Variants in ZNF221 observed in about 807,000 individuals in gnomAD.
ZNF221 encodes zinc finger protein 221.
Under a neutral mutation model 12.6 loss-of-function variants are expected in ZNF221, and 10 were observed. That is an observed-to-expected ratio of 0.79 (90% CI 0.49 to 1.34). The LOEUF (loss-of-function observed/expected upper bound fraction) is 1.34. Among genes scored for constraint, ZNF221 ranks in the 40% most tolerant of loss-of-function variants. The pLI is 0.00. For missense variants in ZNF221, 661 were observed against 721.4 expected, an observed-to-expected ratio of 0.92 and a Z score of 0.96; for synonymous variants, 232 against 244.0, an observed-to-expected ratio of 0.95 and a Z score of 0.46.
downstream of ZNF221, among the ~76,000 whole-genome samples, chr19:43,970,429 G>C (rs906909066): frequency 6.6e-6 from 1 of 152,216 alleles, no homozygotes; most frequent in African/African-American, 2.4e-5. Flanking sequence ...TGGCTGAACT[G>C]ACAGAAGTAG....
the ZNF221 span, among the ~76,000 whole-genome samples, chr19:43,981,083 A>G: frequency 6.6e-6 from 1 of 152,234 alleles, no homozygotes; most frequent in East Asian, 1.9e-4. Context: ...TTCTAAAAAA[A>G]AAAATTGAGG....
At position 43,962,785 on chromosome 19, in the gene ZNF221, A is replaced by G. The variant is rs374341238; in HGVS notation, c.59A>G (p.Glu20Gly). The G allele has an allele frequency of 2.5e-6, 4 of 1,613,822 alleles. No homozygotes were observed. The highest frequency in any genetic ancestry group is 3.4e-6 in the Non-Finnish European group (4 of 1,179,886). ...HSGLCKFPEV[E>G]GKMTTFKEAV... ...GGACTCTGCAAATTCCCTGAAGTAG[A>G]AGGAAAAATGACCACATTCAAAGTG... The change falls in exon 2 of 5, where the codon GAA (glutamate) becomes GGA (glycine). Residue 20 changes from glutamate (E) to glycine (G), a missense_variant. Physicochemically the swap from Glu to Gly is moderately conservative, Grantham distance 98. Transcript: ENST00000587682.
At chr19:43,975,412 G>A in the ZNF221 span, among the ~76,000 whole-genome samples, 1 of 152,146 alleles carries the variant, frequency 6.6e-6, no homozygotes, top group Non-Finnish European at 1.5e-5. Context: ...GCTAGAAGCC[G>A]TTATCCTCAG....
At chr19:43,977,637 C>T in the ZNF221 span, among the ~76,000 whole-genome samples, 2 of 152,170 alleles carry the variant, frequency 1.3e-5, no homozygotes, top group African/African-American at 2.4e-5. Context: ...ATGACAGCAG[C>T]AGTCTCTTAG....
the ZNF221 span, among the ~76,000 whole-genome samples, chr19:43,980,841 A>G: frequency 0.77 from 117,614 of 152,122 alleles, 46,606 homozygotes; most frequent in Middle Eastern, 0.89. Flanking sequence ...AAACATTTTG[A>G]CTCATCCAAG....
At chr19:43,964,499 A>T (rs1483229132) in intron 2 of ZNF221, among the ~76,000 whole-genome samples, 1 of 152,246 alleles carries the variant, frequency 6.6e-6, no homozygotes, top group African/African-American at 2.4e-5. Flanking sequence ...GGTTAGTTTG[A>T]CAGATACTAA....
At position 43,967,073 on chromosome 19, in the gene ZNF221, A is replaced by C; in HGVS notation, c.1571A>C (p.His524Pro). 6.3e-7 allele frequency: 1 copy of C among 1,596,456 alleles called. No individual in the cohort carries two copies. The highest frequency in any genetic ancestry group is 8.6e-7 in the Non-Finnish European group (1 of 1,168,882). The change falls in exon 5 of 5, where the codon CAT becomes CCT. Residue 524 changes from histidine (H) to proline (P), a missense_variant. By Grantham distance (77) the His-to-Pro change is moderately conservative. Coordinates refer to ENST00000587682, the MANE Select transcript of ZNF221 (RefSeq NM_001297588.2). ...ACTCAGAGTTCACAACTTCATTCCC[A>C]TCAGACATGCCATACTGGAGAAAAG... ...RFTQSSQLHS[H>P]QTCHTGEKLY...
At chr19:43,958,823 T>A (rs1974799705) in intron 1 of ZNF221, among the ~76,000 whole-genome samples, 1 of 152,134 alleles carries the variant, frequency 6.6e-6, no homozygotes, top group African/African-American at 2.4e-5. Context: ...GTCAAAGGGG[T>A]CTTTTATCTC....
At chr19:43,963,089 TTCA>T (rs1974874493) in intron 2 of ZNF221, among the ~76,000 whole-genome samples, 1 of 152,250 alleles carries the variant, frequency 6.6e-6, no homozygotes, top group South Asian at 2.1e-4. Flanking sequence ...TCTTGTATTC[TTCA>T]TCATGTACAT....
intron 1 of ZNF221, among the ~76,000 whole-genome samples, 166 bp downstream of exon 1, chr19:43,951,566 G>A (rs1974670558): frequency 6.6e-6 from 1 of 152,150 alleles, no homozygotes; most frequent in Non-Finnish European, 1.5e-5. Flanking sequence ...TACTGGCGCG[G>A]GGCCGATTCC....
At chr19:43,958,574 T>G (rs931127969) in intron 1 of ZNF221, among the ~76,000 whole-genome samples, 4 of 152,192 alleles carry the variant, frequency 2.6e-5, no homozygotes, top group African/African-American at 9.7e-5. Context: ...GGTTAAATAT[T>G]GAGTTTATTC....
chr19:43,959,170 C>T (rs1162035343), intron 1 of ZNF221, among the ~76,000 whole-genome samples: 1 of 152,162 alleles, frequency 6.6e-6, no homozygotes, highest in Non-Finnish European at 1.5e-5. Flanking sequence ...CTCTCACAAT[C>T]CAGTTGAGTA....
intron 1 of ZNF221, among the ~76,000 whole-genome samples, chr19:43,952,203 G>T (rs1425183114): frequency 6.6e-6 from 1 of 151,996 alleles, no homozygotes; most frequent in Non-Finnish European, 1.5e-5. Context: ...GAAAAGGAGG[G>T]GTATCTCCAA....
rs1383296800 is a variant in ZNF221, at chr19:43,965,943, CA to C, written c.444del (p.Glu149LysfsTer14). 2.5e-6 allele frequency: 4 copies of C among 1,614,082 alleles called. No individual in the cohort carries two copies. The highest frequency in any genetic ancestry group is 3.4e-6 in the Non-Finnish European group (4 of 1,180,036). On this transcript the variant is annotated frameshift_variant, in exon 5 of 5. Transcript: ENST00000587682. LOFTEE classifies it low-confidence loss of function (END_TRUNC). ...NSIRNSSQFF[K>X]EGDVPCQIEA... ...CCATAAGGAACAGCTCTCAGTTCTT[CA>C]AAGAAGGTGATGTCCCCTGCCAGAT...
downstream of ZNF221, among the ~76,000 whole-genome samples, chr19:43,971,799 C>T (rs752013765): frequency 3.3e-5 from 5 of 152,146 alleles, no homozygotes; most frequent in Non-Finnish European, 7.3e-5. Flanking sequence ...CTTAGACTCC[C>T]ACACAGTAAT....
At chr19:43,981,343 G>C in the ZNF221 span, among the ~76,000 whole-genome samples, 28 of 152,232 alleles carry the variant, frequency 1.8e-4, no homozygotes, top group South Asian at 2.3e-3. Flanking sequence ...TCTGCAAATG[G>C]AAATGGTACC....
At chr19:43,952,574 G>A (rs1200304933) in intron 1 of ZNF221, among the ~76,000 whole-genome samples, 2 of 152,204 alleles carry the variant, frequency 1.3e-5, no homozygotes, top group African/African-American at 4.8e-5. Context: ...GAAACAAAGG[G>A]AGCAGGAGTT....
chr19:43,965,779 A>C (rs766000033), intron 4 of ZNF221, 25 bp from the exon 5 acceptor site: 3 of 1,543,564 alleles, frequency 1.9e-6, no homozygotes, highest in Admixed American at 2.0e-5. Flanking sequence ...ACTTGCCCAC[A>C]TATATTAATT....
chr19:43,964,878 CCTA>C, intron 2 of ZNF221, 69 bp from the exon 3 acceptor site: 2 of 1,599,766 alleles, frequency 1.3e-6, no homozygotes, highest in Non-Finnish European at 1.7e-6. Context: ...GTCCCCTTTG[CCTA>C]CTTAGTGCCA....
Sources: allele counts gnomAD v4.1 joint callset (sites outside exome capture counted in the v4.1 genomes callset), GRCh38; gene constraint gnomAD v4.1.1; transcripts MANE v1.5; gene names NCBI Gene and HGNC (gene_info 2026-07-23, HGNC 2026-07-21).